Variants in STAT3 observed in about 807,000 individuals in gnomAD.
STAT3 encodes the protein signal transducer and activator of transcription 3.
A neutral mutation model predicts 114.3 loss-of-function variants in STAT3; 7 were observed. That is an observed-to-expected ratio of 0.06 (90% CI 0.03 to 0.11). The LOEUF is 0.11. Among genes scored for constraint, STAT3 ranks in the 10% least tolerant of loss-of-function variants. STAT3 has a pLI of 1.00. For missense variants in STAT3, 364 were observed against 960.9 expected (o/e 0.38, Z 8.21); for synonymous variants, 331 against 354.5 (o/e 0.93, Z 0.74).
intron 4 of STAT3, among the ~76,000 whole-genome samples, chr17:42,344,524 G>A (rs925143862): frequency 3.3e-5 from 5 of 151,568 alleles, no homozygotes; most frequent in African/African-American, 1.2e-4. Context: ...AGACCATCCT[G>A]CCTAACAAGG....
At position 42,375,945 on chromosome 17, in the gene STAT3, G is replaced by A. The variant is rs540326773; in HGVS notation, c.-24+12334C>T. Reference sequence around the variant, plus strand: ...AGGTGGGCATATCATGAGGTCAGGAGTTCAAGATCAGCCTGGCCAACATGG... The same window carrying A: ...AGGTGGGCATATCATGAGGTCAGGAATTCAAGATCAGCCTGGCCAACATGG... On this transcript the variant is annotated intron_variant, in intron 1 of 23. Transcript: ENST00000264657. Among the ~76,000 whole-genome samples the A allele has an allele frequency of 1.6e-4, 24 of 152,192 alleles. 1 individual carries two copies. The South Asian group carries it at 2.9e-3, about 18-fold the overall frequency.
intron 1 of STAT3, among the ~76,000 whole-genome samples, chr17:42,377,744 A>G (rs2084547085): frequency 6.6e-6 from 1 of 152,210 alleles, no homozygotes; most frequent in Admixed American, 6.5e-5. Context: ...ATACATTCTT[A>G]CTACAAATCT....
intron 1 of STAT3, among the ~76,000 whole-genome samples, chr17:42,352,890 T>C (rs1229695994): frequency 1.3e-5 from 2 of 152,170 alleles, no homozygotes; most frequent in African/African-American, 2.4e-5. Flanking sequence ...GCTGTCAATA[T>C]AAAATACACA....
intron 1 of STAT3, among the ~76,000 whole-genome samples, chr17:42,353,347 C>CAA (rs10659012): frequency 0.029 from 2,371 of 80,536 alleles, 38 homozygotes; most frequent in African/African-American, 0.046. Context: ...GACTGCATAT[C>CAA]AAAAAAAAAA....
Position 42,373,278 on chromosome 17 carries a change from A to G in STAT3, c.-24+15001T>C, listed in dbSNP as rs573994855. Among the ~76,000 whole-genome samples the G allele has an allele frequency of 1.7e-3, 253 of 152,270 alleles. 2 individuals are homozygous for G. Among genetic ancestry groups the G allele is most frequent in the Middle Eastern group, 6.8e-3 (2 of 294 alleles). On this transcript the variant is annotated intron_variant, in intron 1 of 23. Coordinates refer to ENST00000264657, the MANE Select transcript of STAT3 (RefSeq NM_139276.3). Reference sequence around the variant, plus strand: ...GGCAGGAGAATCACTTGAACCTGGGAGGCGGAGGTTGCAGTGAGCCGAGAT... The same window carrying G: ...GGCAGGAGAATCACTTGAACCTGGGGGGCGGAGGTTGCAGTGAGCCGAGAT...
intron 18 of STAT3, 33 bp from the exon 19 acceptor site, chr17:42,323,387 A>C (rs2144698828): frequency 6.2e-7 from 1 of 1,610,192 alleles, no homozygotes; most frequent in Non-Finnish European, 8.5e-7. Flanking sequence ...AGCCAAGTCT[A>C]CTGCCATCCC....
intron 1 of STAT3, among the ~76,000 whole-genome samples, chr17:42,384,164 T>A (rs2084962673): frequency 6.7e-6 from 1 of 150,180 alleles, no homozygotes; most frequent in Non-Finnish European, 1.5e-5. Flanking sequence ...AGTCTCGCTC[T>A]GTCGCCCAGG....
At chr17:42,350,798 G>A (rs1398892550) in intron 1 of STAT3, among the ~76,000 whole-genome samples, 1 of 152,090 alleles carries the variant, frequency 6.6e-6, no homozygotes, top group African/African-American at 2.4e-5. Context: ...ATAGAATACA[G>A]GCCACACATG....
Position 42,324,894 on chromosome 17 carries a change from T to C in STAT3, c.1465-48A>G. 6.2e-7 allele frequency: 1 copy of C among 1,614,182 alleles called. No homozygotes were observed. The highest frequency in any genetic ancestry group is 1.1e-5 in the South Asian group (1 of 91,086). On this transcript the variant is annotated intron_variant, in intron 16 of 23. Coordinates refer to ENST00000264657, the MANE Select transcript of STAT3 (RefSeq NM_139276.3). This position sits in a 1 kb window ranked among gnomAD's most constrained non-coding sequence, Gnocchi z 4.5. Reference sequence around the variant, plus strand: ...TTGTTTAGATGAGGGATGGTGCTCATTGTCTATACTAGGTACCCCTAAGTC... The same window carrying C: ...TTGTTTAGATGAGGGATGGTGCTCACTGTCTATACTAGGTACCCCTAAGTC...
chr17:42,336,979 A>G (rs1235536504), intron 8 of STAT3, among the ~76,000 whole-genome samples: 1 of 151,958 alleles, frequency 6.6e-6, no homozygotes, highest in Non-Finnish European at 1.5e-5. Flanking sequence ...ACTTTATTTT[A>G]TTTTTATTTT....
intron 1 of STAT3, chr17:42,388,059 G>A (rs2085209886): frequency 1.9e-6 from 1 of 522,896 alleles, no homozygotes; most frequent in Non-Finnish European, 2.9e-6. Context: ...CTGTTTCTCC[G>A]AAGAACGAAA....
At position 42,331,472 on chromosome 17, in the gene STAT3, T is replaced by C. The variant is rs1567715988; in HGVS notation, c.1109A>G (p.Lys370Arg). ...ACAGAGCTAAGATAGGAGTACTTAC[T>C]TGTCAATGCACACTTTAATTTTAAG... is the stretch of plus-strand genomic sequence containing the variant. Reference protein sequence around the residue: ...YQLKIKVCIDKDSGDVAALRG... With the variant: ...YQLKIKVCIDRDSGDVAALRG... The change falls in exon 11 of 24, where the codon AAA becomes AGA. Residue 370 changes from lysine (K) to arginine (R), a missense_variant and splice_region_variant. Lys to Arg is a conservative substitution (Grantham distance 26, BLOSUM62 2). Transcript: ENST00000264657. 5 of 1,613,356 alleles carry C rather than the reference T, an allele frequency of 3.1e-6. No individual in the cohort carries two copies. The highest frequency in any genetic ancestry group is 4.2e-6 in the Non-Finnish European group (5 of 1,179,350).
intron 1 of STAT3, among the ~76,000 whole-genome samples, chr17:42,356,948 C>T (rs753066364): frequency 1.4e-4 from 22 of 152,030 alleles, no homozygotes; most frequent in Non-Finnish European, 2.5e-4. Context: ...CCATCATACC[C>T]GGCTAATTTT....
At chr17:42,339,123 G>GT (rs1240714843) in intron 5 of STAT3, among the ~76,000 whole-genome samples, 191 bp downstream of exon 5, 1 of 151,842 alleles carries the variant, frequency 6.6e-6, no homozygotes, top group Non-Finnish European at 1.5e-5. Context: ...GGGCGTGGTG[G>GT]TGCATGCCTG....
chr17:42,388,028 C>A, intron 1 of STAT3: 1 of 412,260 alleles, frequency 2.4e-6, no homozygotes. Flanking sequence ...CCTCGCCCCA[C>A]GGTGCCCCCT....
chr17:42,381,345 GC>G (rs1245088522), intron 1 of STAT3, among the ~76,000 whole-genome samples: 2 of 152,190 alleles, frequency 1.3e-5, no homozygotes, highest in Non-Finnish European at 2.9e-5. Flanking sequence ...GCTGGGGGTA[GC>G]AGGAAGGAAA....
chr17:42,331,328 T>C (rs1466969055), intron 11 of STAT3, 144 bp downstream of exon 11: 2 of 716,744 alleles, frequency 2.8e-6, no homozygotes, highest in Non-Finnish European at 2.4e-6. Context: ...TAAATGACAA[T>C]GCACCCCAAG....
chr17:42,359,096 C>G (rs796614760), intron 1 of STAT3, among the ~76,000 whole-genome samples: 32 of 151,876 alleles, frequency 2.1e-4, no homozygotes, highest in African/African-American at 7.3e-4. Flanking sequence ...CCACCACACC[C>G]GGCTAATTTT....
chr17:42,324,966 G>C lies in STAT3; in HGVS notation c.1461C>G (p.Pro487=). Residue 487 remains proline, a synonymous_variant, in exon 16 of 24, where the codon CCC becomes CCG. Transcript: ENST00000264657. This position sits in a 1 kb window ranked among gnomAD's most constrained non-coding sequence, Gnocchi z 4.5. ...ILWYNMLTNN[P]KNVNFFTKPP... ...ACTAAAAGGAGGGGGCACTAACCTTGGGATTGTTGGTCAGCATGTTGTACC... is the reference window on the plus strand; with the variant it reads ...ACTAAAAGGAGGGGGCACTAACCTTCGGATTGTTGGTCAGCATGTTGTACC... The C allele has an allele frequency of 6.2e-7, 1 of 1,614,168 alleles. No homozygotes were observed.
Sources: gnomAD v4.1 joint callset for allele counts (sites outside exome capture counted in the v4.1 genomes callset) on GRCh38, gnomAD v4.1.1 for gene constraint, Gnocchi (gnomAD v3.1) non-coding constraint, MANE v1.5 for transcripts, NCBI Gene and HGNC (gene_info 2026-07-23, HGNC 2026-07-21) for gene names.